Variants in GNG2 observed in about 807,000 individuals in gnomAD.
GNG2 encodes G protein subunit gamma 2.
A neutral mutation model predicts 5.5 loss-of-function variants in GNG2; 5 were observed. The observed-to-expected ratio is 0.91, with a 90% CI of 0.48 to 1.92. GNG2 has a LOEUF of 1.92. Among genes scored for constraint, GNG2 ranks in the 30% most tolerant of loss-of-function variants. The pLI, the probability that GNG2 is intolerant of heterozygous loss-of-function variation, is 0.01. For synonymous variants in GNG2, 28 were observed against 32.0 expected (o/e 0.88, Z 0.42); for missense variants, 55 against 88.4 (o/e 0.62, Z 1.52).
intron 2 of GNG2, among the ~76,000 whole-genome samples, chr14:51,938,986 C>T (rs1447158346): frequency 1.3e-5 from 2 of 152,148 alleles, no homozygotes; most frequent in Non-Finnish European, 2.9e-5. Context: ...CCTTTCAGAT[C>T]CCCCTTGCCT....
At chr14:51,842,999 C>T (rs1443872268) in intron 2 of GNG2, among the ~76,000 whole-genome samples, 1 of 152,160 alleles carries the variant, frequency 6.6e-6, no homozygotes, top group Non-Finnish European at 1.5e-5. Flanking sequence ...TTTCTTCTCC[C>T]TCTGGAGAAC....
In GNG2 at chr14:51,967,605, C is replaced by T. The variant is rs1027116360; in HGVS notation, c.*918C>T. On this transcript the variant is annotated 3_prime_UTR_variant, in exon 4 of 4. Transcript: ENST00000556766. ...GATTACTTCAGAGCCTTAGCCACAC[C>T]TAAAATACCTCCTAGTTAATAGTGG... The T allele has an allele frequency of 1.3e-5, 2 of 151,982 alleles. No homozygotes were observed. The highest frequency in any genetic ancestry group is 4.8e-5 in the African/African-American group (2 of 41,366). 9.4% of individuals were successfully genotyped at this position (151,982 alleles called of 1,614,324 possible).
chr14:51,966,515 C>T (rs202057638), intron 3 of GNG2, 44 bp from the exon 4 acceptor site: 4 of 1,593,478 alleles, frequency 2.5e-6, no homozygotes, highest in African/African-American at 2.7e-5. Flanking sequence ...CCTTGACTGA[C>T]TGTACCAGAC....
In GNG2 at chr14:51,933,068, A is replaced by G. The variant is rs1367093970; in HGVS notation, c.-29-17582A>G. Among the ~76,000 whole-genome samples the G allele has an allele frequency of 3.9e-5, 6 of 151,958 alleles. No individual in the cohort carries two copies. The East Asian group carries it at 1.2e-3, about 29-fold the overall frequency. On this transcript the variant is annotated intron_variant, in intron 2 of 3. Coordinates refer to ENST00000556766, the MANE Select transcript of GNG2 (RefSeq NM_053064.5). ...AGAAGCTGGAAGAGGCAAGAAATGGACTCTTCCCTAGAGCCTCTGGCAGGA... is the reference window on the plus strand; with the variant it reads ...AGAAGCTGGAAGAGGCAAGAAATGGGCTCTTCCCTAGAGCCTCTGGCAGGA...
chr14:51,919,480 T>G (rs928439484), intron 2 of GNG2, among the ~76,000 whole-genome samples: 2 of 152,176 alleles, frequency 1.3e-5, no homozygotes, highest in African/African-American at 4.8e-5. Flanking sequence ...AGAAGAAGTG[T>G]TTTGTAGCAA....
At chr14:51,966,223 A>AG (rs1566720262) in intron 3 of GNG2, among the ~76,000 whole-genome samples, 2 of 148,350 alleles carry the variant, frequency 1.3e-5, no homozygotes, top group East Asian at 2.0e-4. Flanking sequence ...AAAAAAAAAA[A>AG]AAAAAAAAAA....
At chr14:51,876,589 T>C (rs1212536127) in intron 1 of GNG2, among the ~76,000 whole-genome samples, 2 of 152,106 alleles carry the variant, frequency 1.3e-5, no homozygotes, top group African/African-American at 2.4e-5. Flanking sequence ...TCTCCGAAAA[T>C]AAGTTGTTTT....
At chr14:51,929,811 G>A (rs1205841683) in intron 2 of GNG2, among the ~76,000 whole-genome samples, 1 of 152,168 alleles carries the variant, frequency 6.6e-6, no homozygotes, top group Non-Finnish European at 1.5e-5. Flanking sequence ...AGAAGAGGCT[G>A]GCAACAGTTG....
chr14:51,832,658 T>C (rs1363161258), intron 2 of GNG2, among the ~76,000 whole-genome samples: 1 of 152,262 alleles, frequency 6.6e-6, no homozygotes, highest in African/African-American at 2.4e-5. Context: ...TTCTGGATTT[T>C]GGATGGCTGC....
chr14:51,902,864 G>A (rs533625632), intron 2 of GNG2, among the ~76,000 whole-genome samples: 30 of 152,076 alleles, frequency 2.0e-4, no homozygotes, highest in African/African-American at 7.2e-4. Context: ...CTCCAACCTG[G>A]GTAACAGAGG....
At chr14:51,950,903 G>A (rs1466558452) in intron 3 of GNG2, 138 bp downstream of exon 3, 8 of 464,540 alleles carry the variant, frequency 1.7e-5, no homozygotes, top group African/African-American at 4.1e-5. Context: ...CATTTCTAAC[G>A]TGTCTTTCCC....
intron 2 of GNG2, among the ~76,000 whole-genome samples, chr14:51,896,474 A>C (rs921561331): frequency 6.6e-6 from 1 of 152,198 alleles, no homozygotes; most frequent in African/African-American, 2.4e-5. Flanking sequence ...ATAACAGTCC[A>C]AAAATTGAGA....
chr14:51,954,701 C>G (rs1169831730), intron 3 of GNG2, among the ~76,000 whole-genome samples: 1 of 152,202 alleles, frequency 6.6e-6, no homozygotes. Flanking sequence ...GCTCCTCTCT[C>G]TGTGTCTGCC....
chr14:51,874,388 G>A (rs1225400603), intron 1 of GNG2, among the ~76,000 whole-genome samples: 2 of 144,692 alleles, frequency 1.4e-5, no homozygotes, highest in Non-Finnish European at 3.0e-5. Flanking sequence ...TTGTGCCACT[G>A]CACTCCAGCC....
Position 51,879,427 on chromosome 14 carries a change from G to C in GNG2, c.-30+1770G>C, listed in dbSNP as rs571311569. Among the ~76,000 whole-genome samples, 18 of 152,298 alleles carry C rather than the reference G, an allele frequency of 1.2e-4. No individual in the cohort carries two copies. The East Asian group carries it at 3.3e-3, about 28-fold the overall frequency. On this transcript the variant is annotated intron_variant, in intron 2 of 3. Transcript: ENST00000556766. ...AATACCAGCAAGGCATTATTGAACA[G>C]CAACTGTGATTAAAGGTGTATTAGT...
rs1167189023 is a variant in GNG2, at chr14:51,969,100, G to C, written c.*2413G>C. On this transcript the variant is annotated 3_prime_UTR_variant, in exon 4 of 4. Coordinates refer to ENST00000556766, the MANE Select transcript of GNG2 (RefSeq NM_053064.5). Reference sequence around the variant, plus strand: ...ATGCCTCTATAGAGCTTAATTTCTTGAGAAATTCAACAGTCATTTTCACCA... The same window carrying C: ...ATGCCTCTATAGAGCTTAATTTCTTCAGAAATTCAACAGTCATTTTCACCA... 1 of 152,032 alleles carries C rather than the reference G, an allele frequency of 6.6e-6. No individual in the cohort carries two copies. The highest frequency in any genetic ancestry group is 1.5e-5 in the Non-Finnish European group (1 of 68,014). The allele number at this position is 152,032 out of a possible 1,614,324, so 9.4% of individuals were successfully genotyped here. A position where few individuals can be genotyped will look rare whatever the true frequency, so the allele number is the denominator to read the frequency against.
At chr14:51,856,880 A>G (rs903300242), upstream of GNG2, among the ~76,000 whole-genome samples, 3 of 152,204 alleles carry the variant, frequency 2.0e-5, no homozygotes, top group Admixed American at 6.5e-5. Context: ...TGTGCCATGG[A>G]TTTCTATAGA....
chr14:51,942,595 T>TC lies in GNG2; in HGVS notation c.-29-8055_-29-8054insC, dbSNP rs1413000965. On this transcript the variant is annotated intron_variant, in intron 2 of 3. Transcript: ENST00000556766. ...TCTCTTTCTTTCTTTCTTTCTTTTTTTTTTTTTTTTTAGAGACAGGGACTC... is the reference window on the plus strand; with the variant it reads ...TCTCTTTCTTTCTTTCTTTCTTTTTTCTTTTTTTTTTTAGAGACAGGGACTC... Among the ~76,000 whole-genome samples the TC allele has an allele frequency of 8.9e-3, 1,111 of 124,640 alleles. 2 individuals carry two copies. Among genetic ancestry groups the TC allele is most frequent in the Middle Eastern group, 0.015 (4 of 262 alleles). The allele number at this position is 124,640 out of a possible 152,430, so 81.8% of individuals were successfully genotyped here.
chr14:51,827,588 C>A, intron 1 of GNG2: 1 of 650,230 alleles, frequency 1.5e-6, no homozygotes, highest in Admixed American at 2.3e-5. Flanking sequence ...ACTAGCTCAG[C>A]TTTGAGACTT....
Sources: gnomAD v4.1 joint callset for allele counts (sites outside exome capture counted in the v4.1 genomes callset) on GRCh38, gnomAD v4.1.1 for gene constraint, MANE v1.5 for transcripts, NCBI Gene and HGNC (gene_info 2026-07-23, HGNC 2026-07-21) for gene names.